PRLR: variants seen among roughly 807,000 people sequenced by gnomAD.
PRLR encodes prolactin receptor.
PRLR carries 13 observed loss-of-function variants against 40.2 expected under a neutral mutation model. The ratio of observed to expected loss-of-function variants is 0.32; its 90% CI spans 0.21 to 0.51. The LOEUF is 0.51. Ranked by LOEUF, PRLR falls within the 20% of genes least tolerant of loss-of-function variation. The pLI is 0.97. For synonymous variants in PRLR, 269 were observed against 278.7 expected, an observed-to-expected ratio of 0.97 and a Z score of 0.35; for missense variants, 656 against 747.3, an observed-to-expected ratio of 0.88 and a Z score of 1.42.
intron 2 of PRLR, among the ~76,000 whole-genome samples, chr5:35,110,526 C>G (rs1772591882): frequency 6.6e-6 from 1 of 152,124 alleles, no homozygotes; most frequent in Admixed American, 6.6e-5. Flanking sequence ...CATCTTTCCT[C>G]ACACCGCTCT....
At chr5:35,198,700 T>C (rs1026560368) in intron 1 of PRLR, among the ~76,000 whole-genome samples, 1 of 152,230 alleles carries the variant, frequency 6.6e-6, no homozygotes, top group East Asian at 1.9e-4. Context: ...ATTTTTTTTG[T>C]TTCCACCACT....
intron 2 of PRLR, among the ~76,000 whole-genome samples, chr5:35,110,943 C>T (rs1772623762): frequency 6.6e-6 from 1 of 152,182 alleles, no homozygotes; most frequent in Non-Finnish European, 1.5e-5. Flanking sequence ...CACCCAGAAC[C>T]TGACCTTACC....
In PRLR at chr5:35,089,538, G is replaced by T; in HGVS notation, c.70+13C>A. On this transcript the variant is annotated intron_variant, in intron 3 of 9. Transcript: ENST00000618457. Reference sequence around the variant, plus strand: ...CCAGGCAATGAAAGAGAGCGTGATAGCCTCTTACTTACCATTCAGAAGGCA... The same window carrying T: ...CCAGGCAATGAAAGAGAGCGTGATATCCTCTTACTTACCATTCAGAAGGCA... 1 of 1,574,150 alleles carries T rather than the reference G, an allele frequency of 6.4e-7. No homozygotes were observed. The highest frequency in any genetic ancestry group is 8.7e-7 in the Non-Finnish European group (1 of 1,143,834).
At chr5:35,155,031 A>T (rs1243860682) in intron 1 of PRLR, among the ~76,000 whole-genome samples, 1 of 152,104 alleles carries the variant, frequency 6.6e-6, no homozygotes, top group African/African-American at 2.4e-5. Context: ...AGAATAGCTA[A>T]TGGATGCTGG....
intron 2 of PRLR, among the ~76,000 whole-genome samples, chr5:35,101,842 T>A (rs1771902148): frequency 6.7e-6 from 1 of 149,080 alleles, no homozygotes; most frequent in African/African-American, 2.4e-5. Context: ...ATATATATAT[T>A]TTTGAGATGG....
chr5:35,176,691 G>C (rs1442378986), intron 1 of PRLR, among the ~76,000 whole-genome samples: 1 of 152,150 alleles, frequency 6.6e-6, no homozygotes, highest in Non-Finnish European at 1.5e-5. Context: ...GAAGGCCGCA[G>C]GGACCTCTGC....
chr5:35,058,604 T>C lies in PRLR; in HGVS notation c.*6485A>G, dbSNP rs1768857947. Reference sequence around the variant, plus strand: ...AGTACATTCACGCTTTCAACAGAAATACATTACATATTTTTTCAGTTTTGT... The same window carrying C: ...AGTACATTCACGCTTTCAACAGAAACACATTACATATTTTTTCAGTTTTGT... On this transcript the variant is annotated 3_prime_UTR_variant, in exon 10 of 10. Coordinates refer to ENST00000618457, the MANE Select transcript of PRLR (RefSeq NM_000949.7). 1 of 152,230 alleles carries C rather than the reference T, an allele frequency of 6.6e-6. No individual in the cohort carries two copies. The highest frequency in any genetic ancestry group is 1.5e-5 in the Non-Finnish European group (1 of 68,026). 9.4% of individuals were successfully genotyped at this position (152,230 alleles called of 1,614,324 possible). A position where few individuals can be genotyped will look rare whatever the true frequency, so the allele number is the denominator to read the frequency against.
intron 2 of PRLR, among the ~76,000 whole-genome samples, chr5:35,113,411 AT>A (rs1409383509): frequency 1.2e-3 from 174 of 146,278 alleles, no homozygotes; most frequent in African/African-American, 4.3e-3. Context: ...CCATCCATCC[AT>A]CCATCCATCC....
chr5:35,074,758 C>A (rs528174566), intron 5 of PRLR, among the ~76,000 whole-genome samples: 1 of 151,692 alleles, frequency 6.6e-6, no homozygotes, highest in South Asian at 2.1e-4. Flanking sequence ...TGTGTTTTTG[C>A]CACAATAAAA....
intron 1 of PRLR, among the ~76,000 whole-genome samples, chr5:35,213,285 T>A (rs1776213288): frequency 6.6e-6 from 1 of 152,198 alleles, no homozygotes; most frequent in Non-Finnish European, 1.5e-5. Flanking sequence ...ACAGCGAGAA[T>A]CCATAAGCAT....
rs1018438008 is a variant in PRLR, at chr5:35,080,059, A to G, written c.373+4411T>C. Among the ~76,000 whole-genome samples the G allele has an allele frequency of 6.8e-4, 104 of 152,246 alleles. 2 individuals are homozygous for G. The highest frequency in any genetic ancestry group is 1.9e-4 in the Non-Finnish European group (13 of 68,044). On this transcript the variant is annotated intron_variant, in intron 5 of 9. Coordinates refer to ENST00000618457, the MANE Select transcript of PRLR (RefSeq NM_000949.7). ...AATTCAAGATGGATTTAAGACTTAA[A>G]TGTTAGACCTAAAACCATAAAAAAA...
rs142508891 is a variant in PRLR, at chr5:35,161,361, T to G, written c.-105-43239A>C. Among the ~76,000 whole-genome samples, 174 of 152,332 alleles carry G rather than the reference T, an allele frequency of 1.1e-3. 1 individual carries two copies. In the East Asian group the frequency reaches 0.031, roughly 27 times the overall value. On this transcript the variant is annotated intron_variant, in intron 1 of 9. Transcript: ENST00000618457. ...ATTATTTGATCTCACAAAAGCCTGG[T>G]TGCAAAGGGATAGGTTGGATGGTTG...
chr5:35,124,916 A>G (rs1170744804), intron 1 of PRLR, among the ~76,000 whole-genome samples: 1 of 152,218 alleles, frequency 6.6e-6, no homozygotes, highest in East Asian at 1.9e-4. Flanking sequence ...AACTTTAACA[A>G]GAGAAGGTGT....
chr5:35,158,747 T>C (rs1053162340), intron 1 of PRLR, among the ~76,000 whole-genome samples: 2 of 152,102 alleles, frequency 1.3e-5, no homozygotes, highest in Non-Finnish European at 2.9e-5. Context: ...ATCTCTTTCC[T>C]TCTGGGACCG....
At chr5:35,206,653 C>G (rs1384049859) in intron 1 of PRLR, among the ~76,000 whole-genome samples, 6 of 151,882 alleles carry the variant, frequency 4.0e-5, no homozygotes. Context: ...TTTGACTTTG[C>G]TAAGTATAAG....
At chr5:35,206,125 A>AAG (rs1776009584) in intron 1 of PRLR, among the ~76,000 whole-genome samples, 1 of 152,116 alleles carries the variant, frequency 6.6e-6, no homozygotes, top group Non-Finnish European at 1.5e-5. Flanking sequence ...AAGGAAGGAA[A>AAG]AGAGTGCTGG....
At chr5:35,180,842 C>A (rs1050096373) in intron 1 of PRLR, among the ~76,000 whole-genome samples, 1 of 152,050 alleles carries the variant, frequency 6.6e-6, no homozygotes, top group South Asian at 2.1e-4. Context: ...GGTGTTCTGT[C>A]CTTGTGATAG....
At chr5:35,190,671 C>T (rs1561356899) in intron 1 of PRLR, among the ~76,000 whole-genome samples, 1 of 151,756 alleles carries the variant, frequency 6.6e-6, no homozygotes, top group South Asian at 2.1e-4. Context: ...TTCGTTGAAA[C>T]AATTTTTAAT....
intron 1 of PRLR, among the ~76,000 whole-genome samples, chr5:35,225,183 T>C (rs1776518882): frequency 1.3e-5 from 2 of 152,236 alleles, no homozygotes; most frequent in African/African-American, 4.8e-5. Flanking sequence ...AGATTTAAAA[T>C]GACCCTTTCA....
Sources: allele counts gnomAD v4.1 joint callset (sites outside exome capture counted in the v4.1 genomes callset), GRCh38; gene constraint gnomAD v4.1.1; transcripts MANE v1.5; gene names NCBI Gene and HGNC (gene_info 2026-07-23, HGNC 2026-07-21).